The following ITPR1 variants were observed in gnomAD, a reference collection of about 807,000 sequenced individuals.
ITPR1 encodes the protein inositol 1,4,5-trisphosphate-gated calcium channel ITPR1.
A neutral mutation model predicts 318.4 loss-of-function variants in ITPR1; 96 were observed. That is an observed-to-expected ratio of 0.30 (90% CI 0.26 to 0.36). The LOEUF (loss-of-function observed/expected upper bound fraction) is 0.36. Among genes scored for constraint, ITPR1 ranks in the 10% least tolerant of loss-of-function variants. The pLI is 1.00. For synonymous variants in ITPR1, 1,312 were observed against 1,289.9 expected (o/e 1.02, Z -0.37); for missense variants, 2,440 against 3,460.2 (o/e 0.71, Z 7.40).
chr3:4,513,358 T>G (rs1050940965), intron 2 of ITPR1, among the ~76,000 whole-genome samples: 2 of 152,198 alleles, frequency 1.3e-5, no homozygotes, highest in African/African-American at 4.8e-5. Context: ...GGAGGAGATC[T>G]CCAGAGGTTT....
intron 30 of ITPR1, among the ~76,000 whole-genome samples, chr3:4,687,444 C>T (rs2094413650): frequency 6.6e-6 from 1 of 152,090 alleles, no homozygotes; most frequent in South Asian, 2.1e-4. Flanking sequence ...GAAATGTGCT[C>T]CAGGTCACAC....
intron 2 of ITPR1, among the ~76,000 whole-genome samples, chr3:4,496,338 T>G (rs2080567559): frequency 6.6e-6 from 1 of 152,154 alleles, no homozygotes; most frequent in African/African-American, 2.4e-5. Context: ...TGTGTGTGTA[T>G]GCATATGTAC....
At chr3:4,585,069 C>T (rs537085265) in intron 4 of ITPR1, among the ~76,000 whole-genome samples, 1 of 152,332 alleles carries the variant, frequency 6.6e-6, no homozygotes, top group Non-Finnish European at 1.5e-5. Flanking sequence ...AGGGTCCTAA[C>T]TGTGTGCGGC....
In ITPR1 at chr3:4,544,164, A is replaced by C. The variant is rs539615031; in HGVS notation, c.163+23070A>C. 2.6e-5 allele frequency among the ~76,000 whole-genome samples: 4 copies of C among 152,252 alleles called. No individual in the cohort carries two copies. In the East Asian group the frequency reaches 7.7e-4, roughly 29 times the overall value. ...GCTGCAGAGAGTTTGACTGGAAGTG[A>C]GGTTTTGTCTTTTCAGCCTTTATGT... On this transcript the variant is annotated intron_variant, in intron 4 of 61. Transcript: ENST00000649015.
chr3:4,825,474 C>CT (rs1252449846), intron 60 of ITPR1, among the ~76,000 whole-genome samples: 2 of 152,144 alleles, frequency 1.3e-5, no homozygotes, highest in African/African-American at 4.8e-5. Flanking sequence ...GCAAAAGAGC[C>CT]TTTTTGCCTG....
chr3:4,768,324 G>A (rs2045950553), intron 45 of ITPR1, 187 bp from the exon 46 acceptor site: 3 of 581,584 alleles, frequency 5.2e-6, no homozygotes, highest in East Asian at 2.9e-5. Flanking sequence ...AAGTAAGGTG[G>A]CAGGGCCTGG....
intron 44 of ITPR1, among the ~76,000 whole-genome samples, chr3:4,747,825 C>T (rs1172359261): frequency 3.9e-5 from 6 of 152,134 alleles, no homozygotes. Flanking sequence ...TAATTAGGGC[C>T]GTTATGAAAA....
chr3:4,716,750 C>T (rs567523607), intron 39 of ITPR1, among the ~76,000 whole-genome samples: 2 of 152,160 alleles, frequency 1.3e-5, no homozygotes, highest in African/African-American at 4.8e-5. Flanking sequence ...TTCTCTTGTG[C>T]TTTTGTTTTT....
In ITPR1 at chr3:4,706,228, C is replaced by T. The variant is rs375679048; in HGVS notation, c.4719C>T (p.Leu1573=). Residue 1573 remains leucine (L), a synonymous_variant, in exon 37 of 62, where the codon CTC becomes CTT. Coordinates refer to ENST00000649015, the MANE Select transcript of ITPR1 (RefSeq NM_001378452.1). The part of the protein sequence containing the change: ...DLDSQVNNLF[L]KSHSIVQKTA... ...ACAGCCAAGTCAACAACCTCTTTCT[C>T]AAGTCCCACAGCATTGTGCAGAAAA... 3 of 1,614,066 alleles carry T rather than the reference C, an allele frequency of 1.9e-6. No homozygotes were observed. Among genetic ancestry groups the T allele is most frequent in the Non-Finnish European group, 1.7e-6 (2 of 1,179,906 alleles).
intron 5 of ITPR1, among the ~76,000 whole-genome samples, chr3:4,637,414 G>A (rs1406249810): frequency 2.0e-5 from 3 of 152,234 alleles, no homozygotes; most frequent in African/African-American, 7.2e-5. Context: ...TGAAATTAGG[G>A]AGAACAAGAG....
At chr3:4,670,690 TA>T in intron 19 of ITPR1, 38 bp from the exon 20 acceptor site, 5 of 1,401,428 alleles carry the variant, frequency 3.6e-6, no homozygotes, top group Non-Finnish European at 4.9e-6. Flanking sequence ...AAAGTATTTT[TA>T]AAAATAGTAA....
intron 44 of ITPR1, among the ~76,000 whole-genome samples, chr3:4,746,894 G>A (rs141145873): frequency 1.4e-3 from 206 of 152,270 alleles, no homozygotes; most frequent in Non-Finnish European, 2.5e-3. Flanking sequence ...CTTTCTTCCG[G>A]GGTCAAGTCT....
chr3:4,710,289 CCTGAGCCGTTGA>C lies in ITPR1; in HGVS notation c.4843-30_4843-19del. 2 of 1,505,498 alleles carry C rather than the reference CCTGAGCCGTTGA, an allele frequency of 1.3e-6. No homozygotes were observed. The highest frequency in any genetic ancestry group is 1.8e-6 in the Non-Finnish European group (2 of 1,118,420). The allele number at this position is 1,505,498 out of a possible 1,614,324, so 93.3% of individuals were successfully genotyped here. A position where few individuals can be genotyped will look rare whatever the true frequency, so the allele number is the denominator to read the frequency against. The stretch of plus-strand genomic sequence containing the variant: ...CTCACCCTCCTGTGGTCAGCGTCTG[CCTGAGCCGTTGA>C]CTGAGGCTGTGTTTCCGTTTTAGGA... On this transcript the variant is annotated intron_variant, in intron 37 of 61. Coordinates refer to ENST00000649015, the MANE Select transcript of ITPR1 (RefSeq NM_001378452.1). This position sits in a 1 kb window ranked among gnomAD's most constrained non-coding sequence, Gnocchi z 4.2.
At chr3:4,520,175 T>C (rs1015414657) in intron 3 of ITPR1, among the ~76,000 whole-genome samples, 2 of 152,238 alleles carry the variant, frequency 1.3e-5, no homozygotes, top group Non-Finnish European at 1.5e-5. Flanking sequence ...TAGCCAGTTC[T>C]ATCAGTACCA....
chr3:4,599,060 C>T (rs1264612507), intron 4 of ITPR1, among the ~76,000 whole-genome samples: 4 of 151,506 alleles, frequency 2.6e-5, no homozygotes, highest in Non-Finnish European at 4.4e-5. Flanking sequence ...TGGGAAAAAC[C>T]TATTGAAATG....
chr3:4,758,944 G>A (rs150658365), intron 44 of ITPR1, among the ~76,000 whole-genome samples: 96 of 152,362 alleles, frequency 6.3e-4, no homozygotes, highest in African/African-American at 2.3e-3. Context: ...AAAACACTTT[G>A]ATTACTACCA....
chr3:4,546,601 C>T (rs957486600), intron 4 of ITPR1, among the ~76,000 whole-genome samples: 1 of 152,092 alleles, frequency 6.6e-6, no homozygotes, highest in African/African-American at 2.4e-5. Context: ...CACAGAAGTC[C>T]GCAAGCAGTA....
chr3:4,518,476 TG>T (rs1389815674), intron 3 of ITPR1, among the ~76,000 whole-genome samples: 4 of 152,228 alleles, frequency 2.6e-5, no homozygotes, highest in Admixed American at 6.5e-5. Flanking sequence ...TTTTCTCAGT[TG>T]CTTGCACATA....
At position 4,847,386 on chromosome 3, in the gene ITPR1, ATC is replaced by A. The variant is rs1560006900; in HGVS notation, c.*1167_*1168del. 5.3e-5 allele frequency: 4 copies of A among 74,794 alleles called. No individual in the cohort carries two copies. The highest frequency in any genetic ancestry group is 1.1e-3 in the South Asian group (2 of 1,792). The allele number at this position is 74,794 out of a possible 1,614,324, so 4.6% of individuals were successfully genotyped here. On this transcript the variant is annotated 3_prime_UTR_variant, in exon 62 of 62. Coordinates refer to ENST00000649015, the MANE Select transcript of ITPR1 (RefSeq NM_001378452.1). ...TACATGGATCTCATTTTACAAGAGA[ATC>A]TCTCTGCAAAAAAAAAAAAAACAGT... is the stretch of plus-strand genomic sequence containing the variant.
Sources: allele counts gnomAD v4.1 joint callset (sites outside exome capture counted in the v4.1 genomes callset), GRCh38; gene constraint gnomAD v4.1.1; non-coding constraint Gnocchi (gnomAD v3.1); transcripts MANE v1.5; gene names NCBI Gene and HGNC (gene_info 2026-07-23, HGNC 2026-07-21).